The following GLP2R variants were observed in gnomAD, a reference collection of about 807,000 sequenced individuals.
GLP2R encodes the protein glucagon like peptide 2 receptor, also known as glucagon-like peptide 2 receptor.
In GLP2R, 59 loss-of-function variants were observed where a neutral mutation model predicts 68.2. That is an observed-to-expected ratio of 0.87 (90% confidence interval 0.70 to 1.07). The LOEUF (loss-of-function observed/expected upper bound fraction) is 1.07, where lower values mean the gene tolerates loss of function less well. Ranked by LOEUF, GLP2R falls within the 50% of genes least tolerant of loss-of-function variation. The pLI is 0.00. For synonymous variants in GLP2R, 270 were observed against 265.4 expected (o/e 1.02, Z -0.17); for missense variants, 548 against 677.4 (o/e 0.81, Z 2.12).
At chr17:9,885,451 C>T (rs750949222) in intron 11 of GLP2R, among the ~76,000 whole-genome samples, 4 of 151,900 alleles carry the variant, frequency 2.6e-5, no homozygotes, top group Non-Finnish European at 5.9e-5. Context: ...GGGCTGCAAA[C>T]GTCTGAAGGC....
intron 5 of GLP2R, 51 bp from the exon 6 acceptor site, chr17:9,857,372 G>T (rs2066943112): frequency 1.3e-6 from 2 of 1,581,562 alleles, no homozygotes; most frequent in Non-Finnish European, 1.7e-6. Context: ...AGGCCTGTTG[G>T]TTGGAGCCAT....
rs948603957 is a variant in GLP2R, at chr17:9,889,987, A to G, written c.*282A>G. 1.9e-6 allele frequency: 1 copy of G among 525,512 alleles called. No individual in the cohort carries two copies. Among genetic ancestry groups the G allele is most frequent in the African/African-American group, 1.9e-5 (1 of 52,730 alleles). The allele number at this position is 525,512 out of a possible 1,614,324, so 32.6% of individuals were successfully genotyped here. A position where few individuals can be genotyped will look rare whatever the true frequency, so the allele number is the denominator to read the frequency against. On this transcript the variant is annotated 3_prime_UTR_variant, in exon 13 of 13. Transcript: ENST00000262441. ...AGGGCCTGGCTCTAAATTCAAGCCA[A>G]TGAAGTCCCACCATGAAGAGAGGTC...
Position 9,860,070 on chromosome 17 carries a change from G to A in GLP2R, c.894G>A (p.Arg298=). 3 of 1,610,786 alleles carry A rather than the reference G, an allele frequency of 1.9e-6. No homozygotes were observed. The highest frequency in any genetic ancestry group is 1.7e-4 in the Middle Eastern group (1 of 6,018). ...AGCCCACAGTGCTTCCTGAGAGGCG[G>A]CTGTGGCCCAGATACCTGCTGTTGG... ...LLEPTVLPER[R]LWPRYLLLGW... is the part of the protein sequence containing the mutation. The change falls in exon 7 of 13, where the codon CGG becomes CGA. Residue 298 remains arginine (R), a synonymous_variant. Transcript: ENST00000262441.
chr17:9,886,701 C>T (rs1486043185), intron 11 of GLP2R, among the ~76,000 whole-genome samples: 1 of 152,124 alleles, frequency 6.6e-6, no homozygotes, highest in Non-Finnish European at 1.5e-5. Flanking sequence ...TGGTTGATGT[C>T]GTGATTGCCA....
At chr17:9,828,405 C>T (rs192359296) in intron 1 of GLP2R, among the ~76,000 whole-genome samples, 1 of 152,308 alleles carries the variant, frequency 6.6e-6, no homozygotes, top group East Asian at 1.9e-4. Flanking sequence ...CTCTGGATAT[C>T]TCATATCAAC....
intron 1 of GLP2R, 65 bp downstream of exon 1, chr17:9,826,317 A>C: frequency 8.4e-7 from 1 of 1,188,712 alleles, no homozygotes; most frequent in Non-Finnish European, 1.1e-6. Flanking sequence ...TAAAGAAGCA[A>C]TTTAGGCCTC....
chr17:9,862,134 C>A lies in GLP2R; in HGVS notation c.1056+44C>A, dbSNP rs754169112. The stretch of plus-strand genomic sequence containing the variant: ...ACCTCTTTGTCTCGGAGCCTAGCAG[C>A]TGTGGGGAATCCCCCCGCCCCACCC... On this transcript the variant is annotated intron_variant, in intron 9 of 12. Coordinates refer to ENST00000262441, the MANE Select transcript of GLP2R (RefSeq NM_004246.3). 5 of 1,430,338 alleles carry A rather than the reference C, an allele frequency of 3.5e-6. No homozygotes were observed. The Admixed American group carries it at 8.4e-5, about 24-fold the overall frequency. 88.6% of individuals were successfully genotyped at this position (1,430,338 alleles called of 1,614,324 possible).
At chr17:9,849,739 A>G (rs2066874921) in intron 4 of GLP2R, among the ~76,000 whole-genome samples, 1 of 149,866 alleles carries the variant, frequency 6.7e-6, no homozygotes, top group Non-Finnish European at 1.5e-5. Context: ...CAGCCTCCCG[A>G]GTAGCTGGGA....
rs914224391 is a variant in GLP2R at position 9,891,787 on chromosome 17, G to C, written c.*2082G>C. The stretch of plus-strand genomic sequence containing the variant: ...TTCTATTTTTCTCCTTTCTGCAAAT[G>C]TCCCTGCCTCGGCTCATCAGCCAAT... On this transcript the variant is annotated 3_prime_UTR_variant, in exon 13 of 13. Coordinates refer to ENST00000262441, the MANE Select transcript of GLP2R (RefSeq NM_004246.3). The C allele has an allele frequency of 1.3e-5, 2 of 152,150 alleles. No homozygotes were observed. The highest frequency in any genetic ancestry group is 2.9e-5 in the Non-Finnish European group (2 of 68,048). 9.4% of individuals were successfully genotyped at this position (152,150 alleles called of 1,614,324 possible).
chr17:9,854,434 T>C, intron 4 of GLP2R, 61 bp from the exon 5 acceptor site: 4 of 981,148 alleles, frequency 4.1e-6, no homozygotes, highest in Non-Finnish European at 6.6e-6. Context: ...GGTGTGGAGC[T>C]GGGGGTTGTG....
intron 10 of GLP2R, 60 bp downstream of exon 10, chr17:9,870,895 C>A: frequency 1.2e-6 from 1 of 812,468 alleles, no homozygotes; most frequent in South Asian, 1.4e-5. Context: ...TCTGGCTGTT[C>A]TGCCCGCTGT....
At chr17:9,853,273 C>G (rs2066908061) in intron 4 of GLP2R, 2 of 281,192 alleles carry the variant, frequency 7.1e-6, no homozygotes, top group African/African-American at 2.3e-5. Flanking sequence ...TCTGGGGCCT[C>G]CGGGGGCTCA....
intron 10 of GLP2R, among the ~76,000 whole-genome samples, chr17:9,879,777 C>T (rs2067178741): frequency 6.6e-6 from 1 of 152,180 alleles, no homozygotes; most frequent in Non-Finnish European, 1.5e-5. Flanking sequence ...TCATTTCCTG[C>T]AGCCCTCACT....
intron 3 of GLP2R, among the ~76,000 whole-genome samples, chr17:9,839,394 T>A (rs2066763399): frequency 6.6e-6 from 1 of 152,032 alleles, no homozygotes; most frequent in South Asian, 2.1e-4. Flanking sequence ...AACAAACTCC[T>A]CTTCCTTCTC....
chr17:9,875,799 T>C (rs1476595069), intron 10 of GLP2R, among the ~76,000 whole-genome samples: 3 of 152,230 alleles, frequency 2.0e-5, no homozygotes, highest in African/African-American at 7.2e-5. Flanking sequence ...TCTCTTCCCC[T>C]AGATAAAGGG....
At chr17:9,839,618 C>T (rs960113869) in intron 3 of GLP2R, among the ~76,000 whole-genome samples, 2 of 152,148 alleles carry the variant, frequency 1.3e-5, no homozygotes, top group African/African-American at 4.8e-5. Context: ...CCTCCAGGCA[C>T]CTTTGGAAAA....
At chr17:9,887,538 CAAAT>C (rs1567741437) in intron 11 of GLP2R, among the ~76,000 whole-genome samples, 1 of 152,192 alleles carries the variant, frequency 6.6e-6, no homozygotes, top group South Asian at 2.1e-4. Context: ...AACAAACAAA[CAAAT>C]AAACAAACAT....
At chr17:9,851,671 A>C (rs193125641) in intron 4 of GLP2R, among the ~76,000 whole-genome samples, 94 of 152,306 alleles carry the variant, frequency 6.2e-4, no homozygotes, top group African/African-American at 2.2e-3. Flanking sequence ...CCAGACCACC[A>C]CTGCAAAAAA....
chr17:9,845,570 G>A (rs747597801), intron 4 of GLP2R, among the ~76,000 whole-genome samples: 17 of 152,206 alleles, frequency 1.1e-4, no homozygotes, highest in Middle Eastern at 6.8e-3. Flanking sequence ...TGATTATTGC[G>A]TTTCTTTTCT....
Sources: allele counts gnomAD v4.1 joint callset (sites outside exome capture counted in the v4.1 genomes callset), GRCh38; gene constraint gnomAD v4.1.1; transcripts MANE v1.5; gene names NCBI Gene and HGNC (gene_info 2026-07-23, HGNC 2026-07-21).